Variants in MMP26 observed in about 807,000 individuals in gnomAD.
The protein encoded by MMP26 is matrix metalloproteinase-26.
Under a neutral mutation model 31.0 loss-of-function variants are expected in MMP26, and 33 were observed. That is an observed-to-expected ratio of 1.06 (90% CI 0.81 to 1.42). MMP26 has a LOEUF of 1.42. Among genes scored for constraint, MMP26 ranks in the 40% most tolerant of loss-of-function variants. The probability of loss-of-function intolerance (pLI) is 0.00; values close to 1 mark genes in which losing one functional copy is unlikely to be tolerated. For missense variants in MMP26, 347 were observed against 316.1 expected (o/e 1.10, Z -0.74); for synonymous variants, 122 against 114.9 (o/e 1.06, Z -0.40).
chr11:4,754,237 C>T (rs1445707720), intron 1 of MMP26, among the ~76,000 whole-genome samples: 1 of 151,578 alleles, frequency 6.6e-6, no homozygotes, highest in African/African-American at 2.4e-5. Flanking sequence ...CTATTAACAA[C>T]TATACTACAC....
chr11:4,796,844 G>A (rs1849114315), intron 2 of MMP26, among the ~76,000 whole-genome samples: 1 of 151,966 alleles, frequency 6.6e-6, no homozygotes, highest in Non-Finnish European at 1.5e-5. Context: ...GGAACCTTGG[G>A]AAAAGGATAA....
chr11:4,858,239 G>A (rs951085449), intron 2 of MMP26, among the ~76,000 whole-genome samples: 1 of 152,062 alleles, frequency 6.6e-6, no homozygotes, highest in Non-Finnish European at 1.5e-5. Context: ...AATCAAGCAG[G>A]AGAAAGAAAT....
intron 2 of MMP26, among the ~76,000 whole-genome samples, chr11:4,938,751 C>T (rs1232642596): frequency 6.6e-6 from 1 of 151,984 alleles, no homozygotes; most frequent in African/African-American, 2.4e-5. Flanking sequence ...TGAATTATCC[C>T]AAACCTATAT....
intron 2 of MMP26, chr11:4,849,026 G>C: frequency 6.2e-7 from 1 of 1,614,072 alleles, no homozygotes; most frequent in South Asian, 1.1e-5. Context: ...GGTGCAGGGC[G>C]GGCTGCAGGG....
At chr11:4,814,249 C>T (rs1008089407) in intron 2 of MMP26, among the ~76,000 whole-genome samples, 1 of 152,102 alleles carries the variant, frequency 6.6e-6, no homozygotes, top group African/African-American at 2.4e-5. Context: ...CTTTTAGTTG[C>T]ATACTCCAAA....
At chr11:4,973,427 T>C (rs528029540) in intron 2 of MMP26, 2 of 152,418 alleles carry the variant, frequency 1.3e-5, no homozygotes, top group East Asian at 3.9e-4. Flanking sequence ...CAAAACATTT[T>C]TGAGAGAAAA....
At chr11:4,910,772 A>G (rs1850978696) in intron 2 of MMP26, among the ~76,000 whole-genome samples, 1 of 152,136 alleles carries the variant, frequency 6.6e-6, no homozygotes, top group Admixed American at 6.6e-5. Flanking sequence ...TATTTGGACA[A>G]AGAAGGGCCC....
In MMP26 at chr11:4,962,477, T is replaced by C. The variant is rs543037520; in HGVS notation, c.-144-25591T>C. On this transcript the variant is annotated intron_variant, in intron 2 of 7. Transcript: ENST00000380390. ...AAGCGTGCTGGGTTAGGACAGATGATAGAGGCAGAAACTCCTAGTGGTCAC... is the reference window on the plus strand; with the variant it reads ...AAGCGTGCTGGGTTAGGACAGATGACAGAGGCAGAAACTCCTAGTGGTCAC... Among the ~76,000 whole-genome samples, 7 of 152,254 alleles carry C rather than the reference T, an allele frequency of 4.6e-5. No individual in the cohort carries two copies. In the South Asian group the frequency reaches 1.0e-3, roughly 23 times the overall value.
At chr11:4,945,868 T>C in intron 2 of MMP26, 2 of 411,274 alleles carry the variant, frequency 4.9e-6, no homozygotes, top group Non-Finnish European at 4.4e-6. Flanking sequence ...CCAACTTCTG[T>C]CAGAGCTGTA....
At position 4,920,124 on chromosome 11, in the gene MMP26, G is replaced by C. The variant is rs539930148; in HGVS notation, c.-144-67944G>C. On this transcript the variant is annotated intron_variant, in intron 2 of 7. Coordinates refer to ENST00000380390, the MANE Select transcript of MMP26 (RefSeq NM_021801.5). ...AGAGAGAAATGAAGGGAGGGAATAG[G>C]CTATTATGTTTTGTGGATATCTAGA... Among the ~76,000 whole-genome samples, 23 of 152,174 alleles carry C rather than the reference G, an allele frequency of 1.5e-4. No homozygotes were observed. In the East Asian group the frequency reaches 4.4e-3, roughly 29 times the overall value.
chr11:4,893,499 T>A (rs1850658286), intron 2 of MMP26, among the ~76,000 whole-genome samples: 1 of 152,160 alleles, frequency 6.6e-6, no homozygotes, highest in Non-Finnish European at 1.5e-5. Flanking sequence ...AATGTTTGGG[T>A]CACTCTTCAA....
intron 2 of MMP26, among the ~76,000 whole-genome samples, chr11:4,791,205 A>G (rs1019036494): frequency 2.0e-5 from 3 of 152,238 alleles, no homozygotes; most frequent in African/African-American, 7.2e-5. Flanking sequence ...AATGCCTGCA[A>G]TGCAGTCAAG....
At chr11:4,877,647 A>C (rs985982184) in intron 2 of MMP26, 8 of 152,286 alleles carry the variant, frequency 5.3e-5, no homozygotes, top group African/African-American at 1.4e-4. Context: ...ATGGCTATTA[A>C]TTGCTTGAAA....
At chr11:4,872,610 G>C (rs1202735105) in intron 2 of MMP26, among the ~76,000 whole-genome samples, 1 of 151,944 alleles carries the variant, frequency 6.6e-6, no homozygotes, top group Non-Finnish European at 1.5e-5. Context: ...AGTCCAAAGG[G>C]CCAGCTTTTA....
At chr11:4,878,787 A>G (rs936770168) in intron 2 of MMP26, among the ~76,000 whole-genome samples, 10 of 152,150 alleles carry the variant, frequency 6.6e-5, no homozygotes, top group African/African-American at 2.2e-4. Context: ...GATAGGAACC[A>G]GGGAAAGAGG....
intron 1 of MMP26, among the ~76,000 whole-genome samples, chr11:4,717,609 G>A (rs1467387139): frequency 1.3e-5 from 2 of 151,716 alleles, no homozygotes; most frequent in Non-Finnish European, 2.9e-5. Context: ...GGAAAACAAT[G>A]TGTGTACACT....
chr11:4,960,873 G>C (rs1460508185), intron 2 of MMP26, among the ~76,000 whole-genome samples: 1 of 151,864 alleles, frequency 6.6e-6, no homozygotes, highest in African/African-American at 2.4e-5. Flanking sequence ...TAAATGCAAA[G>C]GCATATATTA....
At chr11:4,958,183 A>G (rs1846469911) in intron 2 of MMP26, among the ~76,000 whole-genome samples, 2 of 152,114 alleles carry the variant, frequency 1.3e-5, no homozygotes, top group Non-Finnish European at 2.9e-5. Context: ...GGCACCTCCT[A>G]TCCCCCCTTC....
intron 2 of MMP26, among the ~76,000 whole-genome samples, chr11:4,818,339 T>C (rs1849448595): frequency 6.6e-6 from 1 of 152,166 alleles, no homozygotes; most frequent in African/African-American, 2.4e-5. Flanking sequence ...GATATTTTCT[T>C]ATAAAATCAT....
Sources: gnomAD v4.1 joint callset for allele counts (sites outside exome capture counted in the v4.1 genomes callset) on GRCh38, gnomAD v4.1.1 for gene constraint, MANE v1.5 for transcripts, NCBI Gene and HGNC (gene_info 2026-07-23, HGNC 2026-07-21) for gene names.